PAM: variants seen among roughly 807,000 people sequenced by gnomAD.
The protein encoded by PAM is peptidylglycine alpha-amidating monooxygenase.
In PAM, 72 loss-of-function variants were observed where a neutral mutation model predicts 122.1. That is an observed-to-expected ratio of 0.59 (90% CI 0.49 to 0.72). The LOEUF (loss-of-function observed/expected upper bound fraction) is 0.72. PAM is among the 30% of genes least tolerant of loss of function. The pLI is 0.00. For synonymous variants in PAM, 389 were observed against 404.4 expected, an observed-to-expected ratio of 0.96 and a Z score of 0.46; for missense variants, 1,106 against 1,183.7, an observed-to-expected ratio of 0.93 and a Z score of 0.96.
intron 17 of PAM, among the ~76,000 whole-genome samples, chr5:103,003,856 T>C (rs112474314): frequency 6.6e-6 from 1 of 152,210 alleles, no homozygotes; most frequent in African/African-American, 2.4e-5. Flanking sequence ...AAGTGAATAC[T>C]AAACAAATGT....
intron 1 of PAM, among the ~76,000 whole-genome samples, chr5:102,767,299 G>A (rs1754395031): frequency 6.6e-6 from 1 of 152,048 alleles, no homozygotes; most frequent in Non-Finnish European, 1.5e-5. Context: ...GTTGATGTTG[G>A]AGAATATATA....
intron 3 of PAM, 101 bp downstream of exon 3, chr5:102,867,494 A>G (rs1431187085): frequency 2.6e-6 from 2 of 758,644 alleles, no homozygotes; most frequent in African/African-American, 1.8e-5. Flanking sequence ...CTTTAAACGT[A>G]GGCATTTGCT....
chr5:102,930,735 A>C (rs921529266), intron 7 of PAM, among the ~76,000 whole-genome samples: 2 of 152,180 alleles, frequency 1.3e-5, no homozygotes, highest in African/African-American at 4.8e-5. Context: ...TGGAAAAGCT[A>C]CTAGCCTTAT....
At chr5:102,928,673 G>A (rs1025700165) in intron 7 of PAM, among the ~76,000 whole-genome samples, 7 of 152,092 alleles carry the variant, frequency 4.6e-5, no homozygotes, top group African/African-American at 9.6e-5. Flanking sequence ...ATGAGATATC[G>A]TTTTATATTT....
intron 1 of PAM, among the ~76,000 whole-genome samples, chr5:102,792,350 G>A (rs576776581): frequency 6.6e-6 from 1 of 152,146 alleles, no homozygotes; most frequent in Non-Finnish European, 1.5e-5. Context: ...ACTGATAAAC[G>A]ACGTGGGGAA....
At chr5:102,958,228 A>T (rs892984327) in intron 12 of PAM, among the ~76,000 whole-genome samples, 6 of 152,206 alleles carry the variant, frequency 3.9e-5, no homozygotes, top group Non-Finnish European at 7.3e-5. Flanking sequence ...AAGTTTCATG[A>T]ATTATTATAT....
chr5:102,914,369 A>G (rs1802470008), intron 5 of PAM, among the ~76,000 whole-genome samples: 1 of 152,038 alleles, frequency 6.6e-6, no homozygotes, highest in Non-Finnish European at 1.5e-5. Flanking sequence ...GATGGGTTCA[A>G]TAGATGCCCA....
chr5:103,018,634 C>A (rs572051620), intron 22 of PAM, among the ~76,000 whole-genome samples: 19 of 152,170 alleles, frequency 1.2e-4, no homozygotes, highest in Non-Finnish European at 2.6e-4. Flanking sequence ...TGGATAACCC[C>A]CAACTGCATG....
At chr5:102,951,792 C>A (rs72783895) in intron 12 of PAM, among the ~76,000 whole-genome samples, 33,215 of 151,874 alleles carry the variant, frequency 0.22, 4,561 homozygotes, top group Non-Finnish European at 0.3. Flanking sequence ...AACAAATAAA[C>A]CTTTATCAAT....
chr5:102,973,800 TGA>T (rs1766666081), intron 14 of PAM, among the ~76,000 whole-genome samples: 3 of 144,980 alleles, frequency 2.1e-5, no homozygotes, highest in Admixed American at 2.1e-4. Flanking sequence ...AGAAATCTGA[TGA>T]GCTCTTAATT....
chr5:103,017,326 T>G lies in PAM; in HGVS notation c.2332-8T>G. 1 of 1,578,528 alleles carries G rather than the reference T, an allele frequency of 6.3e-7. No individual in the cohort carries two copies. Among genetic ancestry groups the G allele is most frequent in the Non-Finnish European group, 8.7e-7 (1 of 1,148,098 alleles). ...ACCACTCTAATGTGTAGCTTCTTAT[T>G]TTGGCAGCACTTTGATATGCCTCAT... On this transcript the variant is annotated splice_region_variant and splice_polypyrimidine_tract_variant and intron_variant, in intron 21 of 25. Transcript: ENST00000438793.
chr5:102,945,511 T>G (rs1441429430), intron 7 of PAM, among the ~76,000 whole-genome samples: 1 of 151,870 alleles, frequency 6.6e-6, no homozygotes, highest in Non-Finnish European at 1.5e-5. Flanking sequence ...TTTGCTTCCT[T>G]TCTGCCTTTC....
rs200016863 is a variant in PAM, at chr5:103,025,248, T to G, written c.2603T>G (p.Leu868Arg). 6.2e-7 allele frequency: 1 copy of G among 1,613,816 alleles called. No homozygotes were observed. Among genetic ancestry groups the G allele is most frequent in the Admixed American group, 1.7e-5 (1 of 60,004 alleles). ...CCAGGCTCGGGAGTGCCTGTTGTTC[T>G]CATTACAACCCTTCTGGTTATTCCG... ...KEPGSGVPVV[L>R]ITTLLVIPVV... Residue 868 changes from leucine to arginine, a missense_variant, in exon 24 of 26, where the codon CTC (leucine) becomes CGC (arginine). Physicochemically the swap from Leu to Arg is moderately radical, Grantham distance 102 (BLOSUM62 -2). Transcript: ENST00000438793.
chr5:102,970,303 T>G (rs1765416856), intron 14 of PAM, among the ~76,000 whole-genome samples: 1 of 152,220 alleles, frequency 6.6e-6, no homozygotes, highest in Admixed American at 6.5e-5. Context: ...GTTTCTCAGG[T>G]GCACTAGCCA....
At position 102,859,280 on chromosome 5, in the gene PAM, G is replaced by A. The variant is rs149169589; in HGVS notation, c.-373-6543G>A. On this transcript the variant is annotated intron_variant, in intron 1 of 25. Transcript: ENST00000438793. Reference sequence around the variant, plus strand: ...CCCAGAAGACCTTCTGGTGGGACAAGATGTGGAGGTGAAAAACTGATATTG... The same window carrying A: ...CCCAGAAGACCTTCTGGTGGGACAAAATGTGGAGGTGAAAAACTGATATTG... 6.6e-5 allele frequency among the ~76,000 whole-genome samples: 10 copies of A among 151,910 alleles called. No homozygotes were observed. In the East Asian group the frequency reaches 1.9e-3, roughly 29 times the overall value.
At chr5:102,841,406 TACACACACACACAC>T (rs35825092) in intron 1 of PAM, among the ~76,000 whole-genome samples, 12 of 138,442 alleles carry the variant, frequency 8.7e-5, no homozygotes, top group East Asian at 6.4e-4. Flanking sequence ...CACCTACAAA[TACACACACACACAC>T]ACACACACAC....
rs1247925937 is a variant in PAM at position 102,866,187 on chromosome 5, G to C, written c.-9G>C. On this transcript the variant is annotated 5_prime_UTR_variant, in exon 2 of 26. Transcript: ENST00000438793. ...GGTCCTCTCCCGGCGGGGTCGTATC[G>C]GCGTGGACATGGCTGGCCGCGTCCC... 1.2e-6 allele frequency: 2 copies of C among 1,605,914 alleles called. No individual in the cohort carries two copies. The highest frequency in any genetic ancestry group is 1.7e-6 in the Non-Finnish European group (2 of 1,174,006).
rs201699281 is a variant in PAM, at chr5:102,988,659, GAGGAA to G, written c.1484-1599_1484-1595del. On this transcript the variant is annotated intron_variant, in intron 15 of 25. Coordinates refer to ENST00000438793, the MANE Select transcript of PAM (RefSeq NM_001177306.2). ...AAAAGAAGGAAAGGAAAGGGAAGGG[GAGGAA>G]AGGAAAGGAAAGGGAAAAGAAAGAA... 7.2e-3 allele frequency among the ~76,000 whole-genome samples: 1,013 copies of G among 140,446 alleles called. 15 individuals are homozygous for G. Among genetic ancestry groups the G allele is most frequent in the Admixed American group, 0.028 (403 of 14,532 alleles). 92.1% of individuals were successfully genotyped at this position (140,446 alleles called of 152,430 possible). A position where few individuals can be genotyped will look rare whatever the true frequency, so the allele number is the denominator to read the frequency against.
chr5:102,818,024 CAAA>C (rs753744226), intron 1 of PAM, among the ~76,000 whole-genome samples: 18 of 55,462 alleles, frequency 3.2e-4, no homozygotes, highest in African/African-American at 1.1e-3. Context: ...TTTTTTTTCT[CAAA>C]AAAAAAAAAA....
Sources: allele counts gnomAD v4.1 joint callset (sites outside exome capture counted in the v4.1 genomes callset), GRCh38; gene constraint gnomAD v4.1.1; transcripts MANE v1.5; gene names NCBI Gene and HGNC (gene_info 2026-07-23, HGNC 2026-07-21).